Variants in CTDSPL2 observed in about 807,000 individuals in gnomAD.
CTDSPL2 encodes the protein CTD small phosphatase-like protein 2.
Under a neutral mutation model 60.0 loss-of-function variants are expected in CTDSPL2, and 5 were observed. The observed-to-expected ratio is 0.08, with a 90% CI of 0.04 to 0.18. The LOEUF (loss-of-function observed/expected upper bound fraction) is 0.18, where lower values mean the gene tolerates loss of function less well. Ranked by LOEUF, CTDSPL2 falls within the 10% of genes least tolerant of loss-of-function variation. The pLI is 1.00. For synonymous variants in CTDSPL2, 186 were observed against 189.3 expected (o/e 0.98, Z 0.14); for missense variants, 370 against 548.8 (o/e 0.67, Z 3.26).
At chr15:44,499,952 GATTT>G (rs1376420949) in intron 8 of CTDSPL2, 139 bp downstream of exon 8, 3 of 543,324 alleles carry the variant, frequency 5.5e-6, no homozygotes, top group East Asian at 6.4e-5. Context: ...ACATTTTAAT[GATTT>G]ATTAACAAAA....
chr15:44,499,321 T>C (rs1595762254), intron 7 of CTDSPL2, among the ~76,000 whole-genome samples: 1 of 152,072 alleles, frequency 6.6e-6, no homozygotes, highest in Non-Finnish European at 1.5e-5. Flanking sequence ...AGGAGAATCG[T>C]TTGAACCCAG....
At chr15:44,485,715 T>C (rs540804384) in intron 3 of CTDSPL2, among the ~76,000 whole-genome samples, 8 of 152,306 alleles carry the variant, frequency 5.3e-5, no homozygotes, top group Non-Finnish European at 1.2e-4. Context: ...AGTACTGTTT[T>C]AACGAATGCT....
Position 44,525,560 on chromosome 15 carries a change from T to C in CTDSPL2, c.*1386T>C. 1 of 398,616 alleles carries C rather than the reference T, an allele frequency of 2.5e-6. No homozygotes were observed. Among genetic ancestry groups the C allele is most frequent in the Non-Finnish European group, 4.4e-6 (1 of 225,734 alleles). The allele number at this position is 398,616 out of a possible 1,614,324, so 24.7% of individuals were successfully genotyped here. A position where few individuals can be genotyped will look rare whatever the true frequency, so the allele number is the denominator to read the frequency against. ...ACGGCACTTTTTCTAAAGAGAAGTT[T>C]GATATTTTGTATGCTTGTTAAGAAA... On this transcript the variant is annotated 3_prime_UTR_variant, in exon 13 of 13. Transcript: ENST00000260327.
intron 1 of CTDSPL2, among the ~76,000 whole-genome samples, chr15:44,431,194 C>T (rs1208295517): frequency 6.6e-6 from 1 of 151,374 alleles, no homozygotes; most frequent in Non-Finnish European, 1.5e-5. Flanking sequence ...CTCCTAGGCT[C>T]AAGTGATTCT....
At chr15:44,456,533 G>A (rs1173158583) in intron 1 of CTDSPL2, among the ~76,000 whole-genome samples, 1 of 152,272 alleles carries the variant, frequency 6.6e-6, no homozygotes, top group East Asian at 1.9e-4. Context: ...TTGCATAGAG[G>A]TGTTTATAGT....
Position 44,525,154 on chromosome 15 carries a change from G to A in CTDSPL2, c.*980G>A, listed in dbSNP as rs2081852981. The A allele has an allele frequency of 2.8e-6, 1 of 351,116 alleles. No individual in the cohort carries two copies. The highest frequency in any genetic ancestry group is 4.7e-5 in the Admixed American group (1 of 21,308). 21.8% of individuals were successfully genotyped at this position (351,116 alleles called of 1,614,324 possible). On this transcript the variant is annotated 3_prime_UTR_variant, in exon 13 of 13. Transcript: ENST00000260327. ...CTCCAGGAATGAAGTATTCAGCACAGTGACTCAGTATTTTTAGTTATTTTG... is the reference window on the plus strand; with the variant it reads ...CTCCAGGAATGAAGTATTCAGCACAATGACTCAGTATTTTTAGTTATTTTG...
intron 2 of CTDSPL2, among the ~76,000 whole-genome samples, chr15:44,483,555 A>C (rs550829008): frequency 6.6e-6 from 1 of 152,158 alleles, no homozygotes; most frequent in South Asian, 2.1e-4. Flanking sequence ...AAAAAAATTT[A>C]CAAATTAGAA....
intron 2 of CTDSPL2, chr15:44,470,554 TCTC>T (rs903407310): frequency 6.6e-6 from 1 of 152,014 alleles, no homozygotes; most frequent in Non-Finnish European, 1.5e-5. Context: ...TTCGAGCAGT[TCTC>T]CTACCTCAGC....
chr15:44,429,375 C>T (rs941728489), intron 1 of CTDSPL2, among the ~76,000 whole-genome samples: 3 of 152,148 alleles, frequency 2.0e-5, no homozygotes, highest in Non-Finnish European at 4.4e-5. Context: ...GATCTTAAAT[C>T]ATTGGTCTAG....
chr15:44,449,053 C>A, intron 1 of CTDSPL2: 1 of 317,784 alleles, frequency 3.1e-6, no homozygotes, highest in East Asian at 1.0e-4. Flanking sequence ...TGATTTGCTA[C>A]AAATATTGTG....
chr15:44,524,209 G>T lies in CTDSPL2; in HGVS notation c.*35G>T. 9 of 1,551,962 alleles carry T rather than the reference G, an allele frequency of 5.8e-6. No homozygotes were observed. The highest frequency in any genetic ancestry group is 8.0e-6 in the Non-Finnish European group (9 of 1,124,104). ...CTTGTCAAATCACTGAAGGGGGAGA[G>T]AATGCAGGACCCTTTTGGACTAAGA... On this transcript the variant is annotated 3_prime_UTR_variant, in exon 13 of 13. Coordinates refer to ENST00000260327, the MANE Select transcript of CTDSPL2 (RefSeq NM_016396.3).
At chr15:44,446,699 A>T in intron 1 of CTDSPL2, among the ~76,000 whole-genome samples, 1 of 150,604 alleles carries the variant, frequency 6.6e-6, no homozygotes, top group Non-Finnish European at 1.5e-5. Context: ...CAGAAGAGGG[A>T]ACAGGCAAAA....
At chr15:44,494,611 T>C (rs1404096850) in intron 5 of CTDSPL2, among the ~76,000 whole-genome samples, 3 of 134,806 alleles carry the variant, frequency 2.2e-5, no homozygotes, top group Admixed American at 1.5e-4. Flanking sequence ...AAAAAAAAGG[T>C]TAAAAGAATA....
intron 2 of CTDSPL2, among the ~76,000 whole-genome samples, chr15:44,471,214 T>C (rs2080803206): frequency 6.6e-6 from 1 of 152,190 alleles, no homozygotes; most frequent in Admixed American, 6.5e-5. Context: ...AGTATTCCTG[T>C]GTGTGAGTCT....
At chr15:44,443,621 T>G (rs1268540139) in intron 1 of CTDSPL2, among the ~76,000 whole-genome samples, 5 of 152,298 alleles carry the variant, frequency 3.3e-5, no homozygotes, top group Middle Eastern at 3.4e-3. Context: ...TGAAGCTGTT[T>G]TTTATTGTGG....
At chr15:44,485,425 A>G (rs868500182) in intron 3 of CTDSPL2, among the ~76,000 whole-genome samples, 4 of 152,252 alleles carry the variant, frequency 2.6e-5, no homozygotes, top group Middle Eastern at 3.2e-3. Flanking sequence ...ACTGACAGTG[A>G]TGGGAATGGT....
chr15:44,431,924 AT>A (rs2079868771), intron 1 of CTDSPL2, among the ~76,000 whole-genome samples: 1 of 151,568 alleles, frequency 6.6e-6, no homozygotes, highest in Admixed American at 6.6e-5. Flanking sequence ...AGGTTTCACC[AT>A]GTTGGTCAGG....
At chr15:44,475,886 A>G (rs899367145) in intron 2 of CTDSPL2, among the ~76,000 whole-genome samples, 3 of 152,156 alleles carry the variant, frequency 2.0e-5, no homozygotes, top group African/African-American at 7.2e-5. Context: ...TATCTTTATC[A>G]TGCTTTCATT....
Position 44,497,052 on chromosome 15 carries a change from C to G in CTDSPL2, c.796C>G (p.Pro266Ala). The change falls in exon 7 of 13, where the codon CCA (proline) becomes GCA (alanine). Residue 266 changes from proline (P) to alanine (A), a missense_variant. Physicochemically the swap from Pro to Ala is conservative, Grantham distance 27. Around this residue, in one of 6 missense-constraint regions of CTDSPL2, gnomAD observed 16 missense variants for 44.3 expected, o/e 0.36. Transcript: ENST00000260327. Reference sequence around the variant, plus strand: ...CTATTATTTCATCAAACATGTCCCGCCACTGACAGAAGAACAACTAAATAG... The same window carrying G: ...CTATTATTTCATCAAACATGTCCCGGCACTGACAGAAGAACAACTAAATAG... ...DPYYFIKHVP[P>A]LTEEQLNRKP... 1 of 1,607,364 alleles carries G rather than the reference C, an allele frequency of 6.2e-7. No homozygotes were observed. Among genetic ancestry groups the G allele is most frequent in the Non-Finnish European group, 8.5e-7 (1 of 1,175,540 alleles).
Sources: gnomAD v4.1 joint callset for allele counts (sites outside exome capture counted in the v4.1 genomes callset) on GRCh38, gnomAD v4.1.1 for gene constraint, gnomAD v4.1.1 regional missense constraint, MANE v1.5 for transcripts, NCBI Gene and HGNC (gene_info 2026-07-23, HGNC 2026-07-21) for gene names.